ATP2A2: variants seen among roughly 807,000 people sequenced by gnomAD.
The protein encoded by ATP2A2 is ATPase sarcoplasmic/endoplasmic reticulum Ca2+ transporting 2, also known as sarcoplasmic/endoplasmic reticulum calcium ATPase 2.
Under a neutral mutation model 109.3 loss-of-function variants are expected in ATP2A2, and 14 were observed. That is an observed-to-expected ratio of 0.13 (90% confidence interval 0.08 to 0.20). ATP2A2 has a LOEUF of 0.20. Ranked by LOEUF, ATP2A2 falls within the 10% of genes least tolerant of loss-of-function variation. The pLI, the probability that ATP2A2 is intolerant of heterozygous loss-of-function variation, is 1.00. For missense variants in ATP2A2, 657 were observed against 1,321.6 expected (o/e 0.50, Z 7.80); for synonymous variants, 506 against 490.9 (o/e 1.03, Z -0.41).
intron 3 of ATP2A2, among the ~76,000 whole-genome samples, chr12:110,290,703 C>A (rs1450385540): frequency 6.6e-6 from 1 of 151,932 alleles, no homozygotes; most frequent in Non-Finnish European, 1.5e-5. Flanking sequence ...CTCCCAGGTT[C>A]AAGCGATTCT....
Position 110,289,833 on chromosome 12 carries a change from T to C in ATP2A2, c.220-2187T>C, listed in dbSNP as rs185304518. 3.5e-4 allele frequency among the ~76,000 whole-genome samples: 54 copies of C among 152,366 alleles called. No individual in the cohort carries two copies. In the East Asian group the frequency reaches 9.0e-3, roughly 26 times the overall value. ...TCCACAAAAAGAGGTTTTTAAATTTTTAACCACATAGACCACTCTTTACCA... is the reference window on the plus strand; with the variant it reads ...TCCACAAAAAGAGGTTTTTAAATTTCTAACCACATAGACCACTCTTTACCA... On this transcript the variant is annotated intron_variant, in intron 3 of 19. Coordinates refer to ENST00000539276, the MANE Select transcript of ATP2A2 (RefSeq NM_170665.4).
intron 4 of ATP2A2, among the ~76,000 whole-genome samples, chr12:110,293,468 C>G (rs1450640643): frequency 6.7e-6 from 1 of 148,786 alleles, no homozygotes; most frequent in African/African-American, 2.5e-5. Context: ...AGTCTTGGCT[C>G]ACTGCAACCT....
intron 5 of ATP2A2, among the ~76,000 whole-genome samples, chr12:110,314,753 T>C (rs753166725): frequency 3.0e-4 from 45 of 152,238 alleles, no homozygotes; most frequent in Non-Finnish European, 6.0e-4. Context: ...TTGCTTATTA[T>C]TACTATACAG....
chr12:110,349,459 A>T lies in ATP2A2; in HGVS notation c.*2989A>T. The stretch of plus-strand genomic sequence containing the variant: ...CTTTGCCCAGAAGACCAACAATCAT[A>T]CATACCCTAACTGGGACACCACTCT... On this transcript the variant is annotated 3_prime_UTR_variant, in exon 20 of 20. Transcript: ENST00000539276. 1.0e-6 allele frequency: 1 copy of T among 985,482 alleles called. No homozygotes were observed. The highest frequency in any genetic ancestry group is 1.2e-6 in the Non-Finnish European group (1 of 829,980). The allele number at this position is 985,482 out of a possible 1,614,324, so 61.0% of individuals were successfully genotyped here. A position where few individuals can be genotyped will look rare whatever the true frequency, so the allele number is the denominator to read the frequency against.
rs1232279513 is a variant in ATP2A2, at chr12:110,327,885, T to G, written c.963T>G (p.Leu321=). The change falls in exon 8 of 20, where the codon CTT becomes CTG. Residue 321 remains leucine, a synonymous_variant. Coordinates refer to ENST00000539276, the MANE Select transcript of ATP2A2 (RefSeq NM_170665.4). This position sits in a 1 kb window ranked among gnomAD's most constrained non-coding sequence, Gnocchi z 4.4. ...CAGTCATCACCACCTGCCTGGCTCT[T>G]GGAACTCGCAGAATGGCAAAGAAAA... ...LPAVITTCLA[L]GTRRMAKKNA... 1 of 1,614,038 alleles carries G rather than the reference T, an allele frequency of 6.2e-7. No individual in the cohort carries two copies. The highest frequency in any genetic ancestry group is 8.5e-7 in the Non-Finnish European group (1 of 1,179,924).
Position 110,301,610 on chromosome 12 carries a change from G to T in ATP2A2, c.463+4873G>T, listed in dbSNP as rs140592518. Among the ~76,000 whole-genome samples, 668 of 152,218 alleles carry T rather than the reference G, an allele frequency of 4.4e-3. 8 individuals carry two copies. Among genetic ancestry groups the T allele is most frequent in the Non-Finnish European group, 4.8e-3 (328 of 68,016 alleles). On this transcript the variant is annotated intron_variant, in intron 5 of 19. Transcript: ENST00000539276. Reference sequence around the variant, plus strand: ...GCAGCTGTCATCATCTCCTAACTAGGCTCTGGCTTCCTTTGTTGTCTTCCT... The same window carrying T: ...GCAGCTGTCATCATCTCCTAACTAGTCTCTGGCTTCCTTTGTTGTCTTCCT...
intron 8 of ATP2A2, chr12:110,330,705 C>T (rs1235273763): frequency 2.6e-5 from 4 of 152,120 alleles, no homozygotes; most frequent in African/African-American, 9.7e-5. Context: ...AAGAAAAAGC[C>T]TGCCTGTTCT....
At chr12:110,286,789 C>T (rs986932626) in intron 3 of ATP2A2, among the ~76,000 whole-genome samples, 5 of 150,752 alleles carry the variant, frequency 3.3e-5, no homozygotes, top group African/African-American at 1.2e-4. Flanking sequence ...TCTGAGAATA[C>T]TAGGAGCAAA....
In ATP2A2 at chr12:110,302,378, G is replaced by T. The variant is rs371522027; in HGVS notation, c.463+5641G>T. On this transcript the variant is annotated intron_variant, in intron 5 of 19. Coordinates refer to ENST00000539276, the MANE Select transcript of ATP2A2 (RefSeq NM_170665.4). ...AAACCTGAGTTTAAATCCCTTAGGT[G>T]AATATACTACTACTATAAAGTGGAG... 3.9e-5 allele frequency among the ~76,000 whole-genome samples: 6 copies of T among 152,144 alleles called. No individual in the cohort carries two copies. The South Asian group carries it at 8.3e-4, about 21-fold the overall frequency.
At chr12:110,336,189 C>T (rs910904231) in intron 11 of ATP2A2, among the ~76,000 whole-genome samples, 1 of 152,136 alleles carries the variant, frequency 6.6e-6, no homozygotes, top group Admixed American at 6.6e-5. Context: ...ACTTTTGCAG[C>T]CTCTTTATAG....
intron 16 of ATP2A2, 81 bp downstream of exon 16, chr12:110,343,515 CG>C: frequency 6.6e-7 from 1 of 1,514,572 alleles, no homozygotes; most frequent in East Asian, 2.3e-5. Flanking sequence ...CCCTTAAAAG[CG>C]TGTTTTTTCT....
At chr12:110,344,134 C>T (rs1352334526) in intron 16 of ATP2A2, among the ~76,000 whole-genome samples, 1 of 152,158 alleles carries the variant, frequency 6.6e-6, no homozygotes. Flanking sequence ...TGCCTTCTTC[C>T]TGCTTGTCAG....
At position 110,350,372 on chromosome 12, in the gene ATP2A2, C is replaced by T; in HGVS notation, c.*3902C>T. ...TTGCGTGCATGTGCGTTTTTAGCAA[C>T]ACATCTACCAACCCTGTGCATGACT... On this transcript the variant is annotated 3_prime_UTR_variant, in exon 20 of 20. Coordinates refer to ENST00000539276, the MANE Select transcript of ATP2A2 (RefSeq NM_170665.4). 1 of 1,612,670 alleles carries T rather than the reference C, an allele frequency of 6.2e-7. No individual in the cohort carries two copies.
chr12:110,319,693 G>A (rs1288559283), intron 5 of ATP2A2, among the ~76,000 whole-genome samples: 1 of 149,836 alleles, frequency 6.7e-6, no homozygotes, highest in Middle Eastern at 3.3e-3. Context: ...TATACTATAG[G>A]ACCAATAGGT....
At chr12:110,293,140 C>T (rs1344459050) in intron 4 of ATP2A2, among the ~76,000 whole-genome samples, 3 of 151,944 alleles carry the variant, frequency 2.0e-5, no homozygotes, top group African/African-American at 4.8e-5. Flanking sequence ...TGCAGTGGCA[C>T]GATCTCGGCT....
intron 5 of ATP2A2, among the ~76,000 whole-genome samples, chr12:110,309,489 G>A (rs998765579): frequency 3.3e-5 from 5 of 152,042 alleles, no homozygotes; most frequent in Admixed American, 6.6e-5. Flanking sequence ...TGCTATACCA[G>A]CTAATCATTC....
rs1880018122 is a variant in ATP2A2 at position 110,347,748 on chromosome 12, CTG to C, written c.*1281_*1282del. On this transcript the variant is annotated 3_prime_UTR_variant, in exon 20 of 20. Transcript: ENST00000539276. The stretch of plus-strand genomic sequence containing the variant: ...GTGTGTAAGTCATTAACAGTCCTAA[CTG>C]TGGTGTTTTCCTCCAATGCCTTCCA... 9.2e-7 allele frequency: 1 copy of C among 1,086,140 alleles called. No individual in the cohort carries two copies. The highest frequency in any genetic ancestry group is 1.7e-5 in the African/African-American group (1 of 60,212). The allele number at this position is 1,086,140 out of a possible 1,614,324, so 67.3% of individuals were successfully genotyped here.
At chr12:110,314,760 A>G (rs1360868494) in intron 5 of ATP2A2, among the ~76,000 whole-genome samples, 3 of 152,234 alleles carry the variant, frequency 2.0e-5, no homozygotes, top group African/African-American at 7.2e-5. Context: ...TTATTACTAT[A>G]CAGCCACTTT....
intron 18 of ATP2A2, chr12:110,345,625 G>A: frequency 1.6e-6 from 1 of 633,436 alleles, no homozygotes; most frequent in Non-Finnish European, 2.7e-6. Flanking sequence ...CCAAAAATAG[G>A]AACTTTGGTA....
Sources: allele counts gnomAD v4.1 joint callset (sites outside exome capture counted in the v4.1 genomes callset), GRCh38; gene constraint gnomAD v4.1.1; non-coding constraint Gnocchi (gnomAD v3.1); transcripts MANE v1.5; gene names NCBI Gene and HGNC (gene_info 2026-07-23, HGNC 2026-07-21).